Variants in EPHA3 observed in about 807,000 individuals in gnomAD.
EPHA3 encodes EPH receptor A3, also known as ephrin type-A receptor 3.
A neutral mutation model predicts 107.1 loss-of-function variants in EPHA3; 42 were observed. That is an observed-to-expected ratio of 0.39 (90% CI 0.31 to 0.51). The LOEUF is 0.51. Ranked by LOEUF, EPHA3 falls within the 20% of genes least tolerant of loss-of-function variation. The pLI is 0.78. For missense variants in EPHA3, 1,183 were observed against 1,211.2 expected (o/e 0.98, Z 0.35); for synonymous variants, 461 against 424.8 (o/e 1.09, Z -1.05).
chr3:89,319,648 T>G (rs557962693), intron 3 of EPHA3, among the ~76,000 whole-genome samples: 2 of 152,042 alleles, frequency 1.3e-5, no homozygotes, highest in East Asian at 3.9e-4. Flanking sequence ...GGAAGGGCCC[T>G]CTCTTATGGC....
At position 89,480,197 on chromosome 3, in the gene EPHA3, G is replaced by T. The variant is rs1710597281; in HGVS notation, c.*695G>T. 4 of 232,698 alleles carry T rather than the reference G, an allele frequency of 1.7e-5. No individual in the cohort carries two copies. The highest frequency in any genetic ancestry group is 3.4e-5 in the Non-Finnish European group (4 of 117,738). The allele number at this position is 232,698 out of a possible 1,614,324, so 14.4% of individuals were successfully genotyped here. On this transcript the variant is annotated 3_prime_UTR_variant, in exon 17 of 17. Transcript: ENST00000336596. The stretch of plus-strand genomic sequence containing the variant: ...ATTTATGCCTTGATGATTTAATATG[G>T]ATTTGTTACAGCCAAGTGCCAAATG...
chr3:89,202,443 G>C (rs1411937735), intron 2 of EPHA3, among the ~76,000 whole-genome samples: 1 of 148,512 alleles, frequency 6.7e-6, no homozygotes, highest in Non-Finnish European at 1.5e-5. Flanking sequence ...TTGAACCCAG[G>C]ACGTGGAGGT....
At chr3:89,381,095 C>T (rs1708496105) in intron 5 of EPHA3, among the ~76,000 whole-genome samples, 3 of 152,004 alleles carry the variant, frequency 2.0e-5, no homozygotes, top group Admixed American at 1.3e-4. Flanking sequence ...GCCTCAGCCT[C>T]CAGAGTAGCT....
At chr3:89,129,951 T>C (rs952893343) in intron 2 of EPHA3, among the ~76,000 whole-genome samples, 2 of 152,194 alleles carry the variant, frequency 1.3e-5, no homozygotes, top group African/African-American at 4.8e-5. Context: ...AAAATATGAC[T>C]GTAAACTTAA....
intron 9 of EPHA3, among the ~76,000 whole-genome samples, chr3:89,410,128 G>A (rs1028001097): frequency 1.3e-5 from 2 of 151,912 alleles, no homozygotes; most frequent in Admixed American, 1.3e-4. Flanking sequence ...TGCTTCTACA[G>A]CGAACAGACC....
intron 2 of EPHA3, among the ~76,000 whole-genome samples, chr3:89,182,670 T>C (rs1256309970): frequency 2.6e-5 from 4 of 151,940 alleles, no homozygotes; most frequent in Non-Finnish European, 5.9e-5. Flanking sequence ...GGTGCGTGCA[T>C]AGGCATGTGT....
At chr3:89,312,950 A>G (rs1009163241) in intron 3 of EPHA3, among the ~76,000 whole-genome samples, 2 of 151,940 alleles carry the variant, frequency 1.3e-5, no homozygotes, top group Non-Finnish European at 2.9e-5. Context: ...ATTCCCTGGT[A>G]TATATGTACC....
chr3:89,289,753 C>T (rs1283187283), intron 3 of EPHA3, among the ~76,000 whole-genome samples: 2 of 152,042 alleles, frequency 1.3e-5, no homozygotes, highest in Non-Finnish European at 2.9e-5. Context: ...CACAGAGACA[C>T]GCACAACAGG....
intron 3 of EPHA3, among the ~76,000 whole-genome samples, chr3:89,316,671 G>A (rs1302568068): frequency 1.3e-5 from 2 of 150,794 alleles, no homozygotes; most frequent in Non-Finnish European, 3.0e-5. Flanking sequence ...TTTCTCTTTG[G>A]TGATACTTAA....
intron 3 of EPHA3, among the ~76,000 whole-genome samples, chr3:89,244,872 C>G (rs1704994927): frequency 6.6e-6 from 1 of 152,154 alleles, no homozygotes; most frequent in Non-Finnish European, 1.5e-5. Context: ...TGAAGTGACA[C>G]ATTTTCCTAT....
chr3:89,352,902 C>CAAAAAAA (rs1215369952), intron 5 of EPHA3, among the ~76,000 whole-genome samples: 2 of 41,026 alleles, frequency 4.9e-5, no homozygotes, highest in East Asian at 6.7e-4. Context: ...GACTCTGTCT[C>CAAAAAAA]AAAAAAAAAA....
At chr3:89,186,596 AG>A (rs1191187948) in intron 2 of EPHA3, among the ~76,000 whole-genome samples, 1 of 152,112 alleles carries the variant, frequency 6.6e-6, no homozygotes, top group Non-Finnish European at 1.5e-5. Context: ...TACATTTATT[AG>A]CCCTAAATAT....
chr3:89,192,947 A>C (rs1705753674), intron 2 of EPHA3, among the ~76,000 whole-genome samples: 1 of 152,114 alleles, frequency 6.6e-6, no homozygotes, highest in Non-Finnish European at 1.5e-5. Flanking sequence ...GGTAGAATTT[A>C]GAGAAATATT....
chr3:89,227,528 C>T (rs1480532602), intron 3 of EPHA3, among the ~76,000 whole-genome samples: 1 of 151,966 alleles, frequency 6.6e-6, no homozygotes, highest in African/African-American at 2.4e-5. Flanking sequence ...GTGTTTAACA[C>T]ATTATGGAAA....
chr3:89,233,630 T>G (rs1450442905), intron 3 of EPHA3, among the ~76,000 whole-genome samples: 2 of 152,166 alleles, frequency 1.3e-5, no homozygotes, highest in African/African-American at 2.4e-5. Context: ...TTATATCGGT[T>G]CCTCAATTGG....
intron 5 of EPHA3, among the ~76,000 whole-genome samples, chr3:89,384,692 C>A (rs530143835): frequency 3.4e-4 from 51 of 152,164 alleles, no homozygotes; most frequent in African/African-American, 1.0e-3. Flanking sequence ...GTCATAGATG[C>A]GGTTGAATTT....
At chr3:89,388,183 C>T (rs984308147) in intron 5 of EPHA3, among the ~76,000 whole-genome samples, 13 of 152,068 alleles carry the variant, frequency 8.5e-5, no homozygotes, top group South Asian at 4.2e-4. Flanking sequence ...TTTAATATCA[C>T]GGGCTAAATA....
chr3:89,286,442 C>T lies in EPHA3; in HGVS notation c.815-54474C>T, dbSNP rs765740653. 5.9e-5 allele frequency among the ~76,000 whole-genome samples: 9 copies of T among 151,972 alleles called. No homozygotes were observed. In the South Asian group the frequency reaches 6.2e-4, roughly 11 times the overall value. ...GAATTAAACGGTACATTGGCAAAGG[C>T]GAAAGCAGGGAGACCAATTAGGAAG... On this transcript the variant is annotated intron_variant, in intron 3 of 16. Coordinates refer to ENST00000336596, the MANE Select transcript of EPHA3 (RefSeq NM_005233.6).
intron 3 of EPHA3, among the ~76,000 whole-genome samples, chr3:89,222,492 A>G (rs1377670025): frequency 1.3e-5 from 2 of 148,624 alleles, no homozygotes; most frequent in East Asian, 2.0e-4. Flanking sequence ...AAAATAATAT[A>G]TGTATTATAT....
Sources: gnomAD v4.1 joint callset for allele counts (sites outside exome capture counted in the v4.1 genomes callset) on GRCh38, gnomAD v4.1.1 for gene constraint, MANE v1.5 for transcripts, NCBI Gene and HGNC (gene_info 2026-07-23, HGNC 2026-07-21) for gene names.